Variants in AK5 observed in about 807,000 individuals in gnomAD.
AK5 encodes adenylate kinase 5, also known as adenylate kinase isoenzyme 5.
Under a neutral mutation model 69.5 loss-of-function variants are expected in AK5, and 27 were observed. That is an observed-to-expected ratio of 0.39 (90% CI 0.29 to 0.54). AK5 has a LOEUF of 0.54. Ranked by LOEUF, AK5 falls within the 20% of genes least tolerant of loss-of-function variation. AK5 has a pLI of 0.71. For synonymous variants in AK5, 260 were observed against 244.4 expected (o/e 1.06, Z -0.60); for missense variants, 531 against 700.4 (o/e 0.76, Z 2.73).
At chr1:77,486,054 G>T (rs557243182) in intron 9 of AK5, among the ~76,000 whole-genome samples, 3 of 152,264 alleles carry the variant, frequency 2.0e-5, no homozygotes, top group African/African-American at 7.2e-5. Context: ...GGTGGAGGTT[G>T]CAGTGAGACA....
chr1:77,380,674 T>C (rs1445632862), intron 6 of AK5, among the ~76,000 whole-genome samples: 2 of 152,168 alleles, frequency 1.3e-5, no homozygotes, highest in African/African-American at 4.8e-5. Context: ...TCAAGGAAAG[T>C]ATAGGCTAGT....
At chr1:77,442,570 T>G (rs2100638826) in intron 8 of AK5, among the ~76,000 whole-genome samples, 1 of 152,268 alleles carries the variant, frequency 6.6e-6, no homozygotes, top group Admixed American at 6.5e-5. Flanking sequence ...GTCAGGTGTT[T>G]CCTTCTGTTC....
At chr1:77,369,041 T>C (rs77616267) in intron 6 of AK5, among the ~76,000 whole-genome samples, 2,521 of 152,298 alleles carry the variant, frequency 0.017, 73 homozygotes, top group African/African-American at 0.057. Context: ...CTATTCACCA[T>C]AAATTATATG....
chr1:77,401,366 G>T (rs773139928), intron 6 of AK5, among the ~76,000 whole-genome samples: 1 of 152,150 alleles, frequency 6.6e-6, no homozygotes, highest in Non-Finnish European at 1.5e-5. Flanking sequence ...TAACAAACAA[G>T]AAATGCCATT....
Position 77,301,259 on chromosome 1 carries a change from G to A in AK5, c.699+3312G>A, listed in dbSNP as rs886821479. On this transcript the variant is annotated intron_variant, in intron 5 of 13. Coordinates refer to ENST00000354567, the MANE Select transcript of AK5 (RefSeq NM_174858.3). The stretch of plus-strand genomic sequence containing the variant: ...ATCTCCTAGGACACTGTCACTGGCC[G>A]CGTGGTTGAAAAAGTGTTGTCATCA... Among the ~76,000 whole-genome samples the A allele has an allele frequency of 5.9e-5, 9 of 152,100 alleles. No homozygotes were observed. In the South Asian group the frequency reaches 6.2e-4, roughly 11 times the overall value.
rs1006116098 is a variant in AK5 at position 77,293,457 on chromosome 1, C to T, written c.248-336C>T. On this transcript the variant is annotated intron_variant, in intron 2 of 13. Coordinates refer to ENST00000354567, the MANE Select transcript of AK5 (RefSeq NM_174858.3). Reference sequence around the variant, plus strand: ...AGAAGGTTCCTCTTAGGGCAGAGGGCGGCAAAGTTTCATGAGCCAAGTTCA... The same window carrying T: ...AGAAGGTTCCTCTTAGGGCAGAGGGTGGCAAAGTTTCATGAGCCAAGTTCA... 3.6e-5 allele frequency: 7 copies of T among 192,578 alleles called. No homozygotes were observed. In the South Asian group the frequency reaches 4.8e-4, roughly 13 times the overall value. 11.9% of individuals were successfully genotyped at this position (192,578 alleles called of 1,614,324 possible).
chr1:77,340,625 T>G (rs1661606726), intron 6 of AK5, 57 bp downstream of exon 6: 9 of 1,511,364 alleles, frequency 6.0e-6, no homozygotes, highest in African/African-American at 2.8e-5. Flanking sequence ...AGATTTCTCA[T>G]TAGCCCATGT....
chr1:77,530,278 G>A (rs145717379), intron 12 of AK5, among the ~76,000 whole-genome samples: 4 of 152,306 alleles, frequency 2.6e-5, no homozygotes, highest in Non-Finnish European at 4.4e-5. Context: ...GGTGTGTGGG[G>A]GGAGAAGTTA....
At chr1:77,542,548 C>T (rs888510177) in intron 13 of AK5, among the ~76,000 whole-genome samples, 5 of 152,068 alleles carry the variant, frequency 3.3e-5, no homozygotes, top group South Asian at 2.1e-4. Context: ...GAGAAGGGCT[C>T]GTTGTGAGCT....
At chr1:77,314,329 AT>A (rs1320038815) in intron 5 of AK5, 1 of 155,348 alleles carries the variant, frequency 6.4e-6, no homozygotes, top group Non-Finnish European at 1.4e-5. Context: ...ATGCCGGAAT[AT>A]TCTCTAGCTA....
chr1:77,375,634 A>G (rs776419552), intron 6 of AK5, among the ~76,000 whole-genome samples: 2 of 152,196 alleles, frequency 1.3e-5, no homozygotes, highest in Non-Finnish European at 2.9e-5. Flanking sequence ...GTCCCTGTCT[A>G]GGAGTATTTG....
At chr1:77,294,843 C>A (rs1052450164) in intron 3 of AK5, among the ~76,000 whole-genome samples, 1 of 152,070 alleles carries the variant, frequency 6.6e-6, no homozygotes, top group Non-Finnish European at 1.5e-5. Flanking sequence ...GCCTGGTCAA[C>A]ATAGTGAGAC....
intron 6 of AK5, among the ~76,000 whole-genome samples, chr1:77,349,080 C>A (rs572222329): frequency 6.6e-6 from 1 of 152,200 alleles, no homozygotes; most frequent in East Asian, 1.9e-4. Context: ...AAAGAATAAG[C>A]ATTTAAGGCT....
At chr1:77,450,756 G>T (rs1001496470) in intron 8 of AK5, among the ~76,000 whole-genome samples, 4 of 152,180 alleles carry the variant, frequency 2.6e-5, no homozygotes, top group Non-Finnish European at 5.9e-5. Flanking sequence ...TTTGTAAAAT[G>T]AGCAAGTTAT....
chr1:77,282,155 TCCC>T lies in AK5; in HGVS notation c.-158_-156del. On this transcript the variant is annotated 5_prime_UTR_variant, in exon 1 of 14. Coordinates refer to ENST00000354567, the MANE Select transcript of AK5 (RefSeq NM_174858.3). ...AGCCCCCGGGGAGAGGCGGAGGGGGTCCCTGGCCTGGGCGGAGAGGCTGAGCTG... is the reference window on the plus strand; with the variant it reads ...AGCCCCCGGGGAGAGGCGGAGGGGGTTGGCCTGGGCGGAGAGGCTGAGCTG... The T allele has an allele frequency of 1.8e-6, 1 of 542,710 alleles. No homozygotes were observed. The highest frequency in any genetic ancestry group is 3.1e-6 in the Non-Finnish European group (1 of 323,600). The allele number at this position is 542,710 out of a possible 1,614,324, so 33.6% of individuals were successfully genotyped here. A position where few individuals can be genotyped will look rare whatever the true frequency, so the allele number is the denominator to read the frequency against.
intron 8 of AK5, among the ~76,000 whole-genome samples, chr1:77,445,648 G>GCA (rs1397556440): frequency 5.3e-5 from 8 of 152,144 alleles, no homozygotes; most frequent in African/African-American, 1.9e-4. Flanking sequence ...GCAGTGGCAT[G>GCA]ATCTCAGCTC....
chr1:77,511,506 G>C (rs754873459), intron 10 of AK5, among the ~76,000 whole-genome samples: 5 of 152,206 alleles, frequency 3.3e-5, no homozygotes, highest in Non-Finnish European at 7.4e-5. Flanking sequence ...GGTTAAAAAT[G>C]TTAAGAGTGA....
At chr1:77,349,782 C>T (rs1015897390) in intron 6 of AK5, among the ~76,000 whole-genome samples, 32 of 152,156 alleles carry the variant, frequency 2.1e-4, no homozygotes, top group Admixed American at 2.1e-3. Flanking sequence ...TTTATCTATA[C>T]TACTATCTCT....
At chr1:77,349,072 A>C (rs1377738) in intron 6 of AK5, among the ~76,000 whole-genome samples, 48,256 of 152,008 alleles carry the variant, frequency 0.32, 7,834 homozygotes, top group Middle Eastern at 0.37. Context: ...TAAAAGAAAA[A>C]GAATAAGCAT....
Sources: gnomAD v4.1 joint callset for allele counts (sites outside exome capture counted in the v4.1 genomes callset) on GRCh38, gnomAD v4.1.1 for gene constraint, MANE v1.5 for transcripts, NCBI Gene and HGNC (gene_info 2026-07-23, HGNC 2026-07-21) for gene names.